Variants in NDUFA7 observed in about 807,000 individuals in gnomAD.
The protein encoded by NDUFA7 is NADH dehydrogenase [ubiquinone] 1 alpha subcomplex subunit 7.
Under a neutral mutation model 14.2 loss-of-function variants are expected in NDUFA7, and 18 were observed. The observed-to-expected ratio is 1.27, with a 90% CI of 0.88 to 1.88. The LOEUF is 1.88. Ranked by LOEUF, NDUFA7 falls within the 40% of genes most tolerant of loss-of-function variation. The pLI is 0.00. For missense variants in NDUFA7, 172 were observed against 147.3 expected (o/e 1.17, Z -0.87); for synonymous variants, 75 against 62.1 (o/e 1.21, Z -0.98).
Position 8,321,323 on chromosome 19 carries a change from C to G in NDUFA7, c.36G>C (p.Arg12=), listed in dbSNP as rs1185772239. ...CCCCGCGCACCCCGGACGCCCAGTT[C>G]CGCAGCCGCTGGATGAGACGGGTGG... ...ASATRLIQRL[R]NWASGHDLQG... The change falls in exon 1 of 4, where the codon CGG becomes CGC. Residue 12 remains arginine (R), a synonymous_variant. Coordinates refer to ENST00000301457, the MANE Select transcript of NDUFA7 (RefSeq NM_005001.5). 3 of 1,578,866 alleles carry G rather than the reference C, an allele frequency of 1.9e-6. No homozygotes were observed. In the African/African-American group the frequency reaches 4.0e-5, roughly 21 times the overall value.
At chr19:8,314,417 G>A (rs1469347423) in intron 3 of NDUFA7, among the ~76,000 whole-genome samples, 1 of 152,136 alleles carries the variant, frequency 6.6e-6, no homozygotes, top group Non-Finnish European at 1.5e-5. Flanking sequence ...CATCTGTTTT[G>A]TAGGATGCAG....
intron 3 of NDUFA7, among the ~76,000 whole-genome samples, chr19:8,315,212 G>A (rs1256017101): frequency 1.3e-5 from 2 of 152,224 alleles, no homozygotes; most frequent in Non-Finnish European, 2.9e-5. Flanking sequence ...GTGATAGCCT[G>A]AGATGTGGCC....
At chr19:8,313,609 C>A (rs1056596706) in intron 3 of NDUFA7, among the ~76,000 whole-genome samples, 1 of 152,246 alleles carries the variant, frequency 6.6e-6, no homozygotes, top group African/African-American at 2.4e-5. Context: ...AGTCTAGCAT[C>A]CCTATTTTAT....
At chr19:8,312,516 T>C (rs1312470015) in intron 3 of NDUFA7, among the ~76,000 whole-genome samples, 1 of 152,222 alleles carries the variant, frequency 6.6e-6, no homozygotes, top group Non-Finnish European at 1.5e-5. Context: ...ACTCTTGCTC[T>C]GTCACCCAGG....
Position 8,320,888 on chromosome 19 carries a change from G to A in NDUFA7, c.70C>T (p.Leu24=). The change falls in exon 2 of 4, where the codon CTG becomes TTG. Residue 24 remains leucine, a synonymous_variant. Coordinates refer to ENST00000301457, the MANE Select transcript of NDUFA7 (RefSeq NM_005001.5). ...WASGHDLQGK[L]QLRYQEISKR... ...GAGATCTCCTGGTAGCGTAGCTGCA[G>A]CTTCCCCTGCAGGTCATGCTGTGGG... 2 of 1,613,800 alleles carry A rather than the reference G, an allele frequency of 1.2e-6. No homozygotes were observed. The highest frequency in any genetic ancestry group is 2.7e-5 in the African/African-American group (2 of 75,054).
At position 8,320,856 on chromosome 19, in the gene NDUFA7, C is replaced by A; in HGVS notation, c.101+1G>T. 1 of 1,613,758 alleles carries A rather than the reference C, an allele frequency of 6.2e-7. No individual in the cohort carries two copies. Among genetic ancestry groups the A allele is most frequent in the Non-Finnish European group, 8.5e-7 (1 of 1,180,020 alleles). The stretch of plus-strand genomic sequence containing the variant: ...CTGGGCAGCGAGCGGGGCCTGCTCA[C>A]CGCTTGGAGATCTCCTGGTAGCGTA... On this transcript the variant is annotated splice_donor_variant, in intron 2 of 3. Coordinates refer to ENST00000301457, the MANE Select transcript of NDUFA7 (RefSeq NM_005001.5). LOFTEE classifies it high-confidence loss of function.
At chr19:8,317,488 G>A (rs977559509) in intron 2 of NDUFA7, among the ~76,000 whole-genome samples, 9 of 152,204 alleles carry the variant, frequency 5.9e-5, no homozygotes, top group East Asian at 1.9e-4. Flanking sequence ...CAGCCTGGGC[G>A]ACAGAGCGAG....
downstream of NDUFA7, among the ~76,000 whole-genome samples, chr19:8,311,099 T>C (rs1424016613): frequency 6.6e-6 from 1 of 152,162 alleles, no homozygotes; most frequent in Non-Finnish European, 1.5e-5. Flanking sequence ...AGCCCCAGCA[T>C]AATGGTTTCT....
intron 1 of NDUFA7, 100 bp downstream of exon 1, chr19:8,321,208 C>T: frequency 7.4e-7 from 1 of 1,354,420 alleles, no homozygotes; most frequent in South Asian, 1.4e-5. Context: ...TCGGGGAGAG[C>T]GAAGGGTCCC....
intron 3 of NDUFA7, among the ~76,000 whole-genome samples, chr19:8,315,765 C>A (rs1970225303): frequency 6.6e-6 from 1 of 152,064 alleles, no homozygotes; most frequent in African/African-American, 2.4e-5. Context: ...GTCTCTCATT[C>A]CACCTAACGA....
chr19:8,321,340 G>C lies in NDUFA7; in HGVS notation c.19C>G (p.Leu7Val), dbSNP rs757059846. MASATR[L>V]IQRLRNWASG... ...GCCCAGTTCCGCAGCCGCTGGATGA[G>C]ACGGGTGGCGGACGCCATCTTCCGT... is the stretch of plus-strand genomic sequence containing the variant. Residue 7 changes from leucine to valine, a missense_variant, in exon 1 of 4, where the codon CTC becomes GTC. Transcript: ENST00000301457. 4 of 1,579,168 alleles carry C rather than the reference G, an allele frequency of 2.5e-6. No homozygotes were observed. In the Admixed American group the frequency reaches 7.3e-5, roughly 29 times the overall value.
Position 8,316,846 on chromosome 19 carries a change from C to T in NDUFA7, c.102-201G>A, listed in dbSNP as rs1970241790. The T allele has an allele frequency of 1.5e-5, 9 of 595,954 alleles. No individual in the cohort carries two copies. The East Asian group carries it at 2.4e-4, about 16-fold the overall frequency. The allele number at this position is 595,954 out of a possible 1,614,324, so 36.9% of individuals were successfully genotyped here. A position where few individuals can be genotyped will look rare whatever the true frequency, so the allele number is the denominator to read the frequency against. On this transcript the variant is annotated intron_variant, in intron 2 of 3. Transcript: ENST00000301457. ...CTGGGGCCAGAAGCAGATGGTGGACCCTGCTCTGGATGTGAAGATGCCACC... is the reference window on the plus strand; with the variant it reads ...CTGGGGCCAGAAGCAGATGGTGGACTCTGCTCTGGATGTGAAGATGCCACC...
chr19:8,311,727 TC>T lies in NDUFA7; in HGVS notation c.252-133del, dbSNP rs1275517963. The T allele has an allele frequency of 6.0e-6, 4 of 669,198 alleles. No individual in the cohort carries two copies. The Admixed American group carries it at 1.3e-4, about 21-fold the overall frequency. 41.5% of individuals were successfully genotyped at this position (669,198 alleles called of 1,614,324 possible). A position where few individuals can be genotyped will look rare whatever the true frequency, so the allele number is the denominator to read the frequency against. ...ACCTGCAGGACAGACAGCAGGGTGT[TC>T]CAGAATGCCAACCCCTCCAACGCAG... On this transcript the variant is annotated intron_variant, in intron 3 of 3. Coordinates refer to ENST00000301457, the MANE Select transcript of NDUFA7 (RefSeq NM_005001.5).
intron 3 of NDUFA7, among the ~76,000 whole-genome samples, chr19:8,316,148 CAAA>C (rs60161246): frequency 1.2e-4 from 10 of 80,622 alleles, no homozygotes; most frequent in African/African-American, 2.6e-4. Flanking sequence ...GACTCCGTCT[CAAA>C]AAAAAAAAAA....
downstream of NDUFA7, chr19:8,310,853 C>CA (rs5827000): frequency 0.13 from 16,286 of 125,552 alleles, 1,720 homozygotes; most frequent in African/African-American, 0.31. Flanking sequence ...GCCATCTCTA[C>CA]AAAAAAAAAA....
rs1288800928 is a variant in NDUFA7 at position 8,321,025 on chromosome 19, C to T, written c.52-119G>A. The stretch of plus-strand genomic sequence containing the variant: ...ATTTTAAGGGAAGGCAGGGGATGAA[C>T]ACTCGGGGAAACGGATGTGGGTCCT... On this transcript the variant is annotated intron_variant, in intron 1 of 3. Coordinates refer to ENST00000301457, the MANE Select transcript of NDUFA7 (RefSeq NM_005001.5). The T allele has an allele frequency of 8.3e-5, 99 of 1,189,466 alleles. 1 individual carries two copies. In the East Asian group the frequency reaches 2.3e-3, roughly 28 times the overall value. 73.7% of individuals were successfully genotyped at this position (1,189,466 alleles called of 1,614,324 possible).
intron 2 of NDUFA7, 140 bp from the exon 3 acceptor site, chr19:8,316,785 G>T (rs902471773): frequency 8.1e-6 from 8 of 986,060 alleles, no homozygotes; most frequent in Admixed American, 4.8e-5. Flanking sequence ...GGTGTCCCTT[G>T]GTACACTGGC....
intron 2 of NDUFA7, chr19:8,319,159 T>G (rs1341401451): frequency 6.6e-6 from 1 of 152,052 alleles, no homozygotes; most frequent in Non-Finnish European, 1.5e-5. Context: ...TAATGGATGC[T>G]GGGCTTAATA....
At chr19:8,316,078 G>A (rs932657957) in intron 3 of NDUFA7, among the ~76,000 whole-genome samples, 2 of 147,070 alleles carry the variant, frequency 1.4e-5, no homozygotes, top group African/African-American at 5.1e-5. Context: ...GAACCCGGGA[G>A]GTGGAGATTG....
Sources: allele counts gnomAD v4.1 joint callset (sites outside exome capture counted in the v4.1 genomes callset), GRCh38; gene constraint gnomAD v4.1.1; transcripts MANE v1.5; gene names NCBI Gene and HGNC (gene_info 2026-07-23, HGNC 2026-07-21).